Variants in TRIM37 observed in about 807,000 individuals in gnomAD.
TRIM37 encodes tripartite motif containing 37, also known as E3 ubiquitin-protein ligase TRIM37.
In TRIM37, 80 loss-of-function variants were observed where a neutral mutation model predicts 129.8. The ratio of observed to expected loss-of-function variants is 0.62; its 90% CI spans 0.51 to 0.74. TRIM37 has a LOEUF of 0.74. Ranked by LOEUF, TRIM37 falls within the 30% of genes least tolerant of loss-of-function variation. The pLI, the probability that TRIM37 is intolerant of heterozygous loss-of-function variation, is 0.00. For synonymous variants in TRIM37, 389 were observed against 387.1 expected, an observed-to-expected ratio of 1.00 and a Z score of -0.06; for missense variants, 1,054 against 1,176.5, an observed-to-expected ratio of 0.90 and a Z score of 1.52.
chr17:59,096,083 A>C (rs145496628), intron 2 of TRIM37, among the ~76,000 whole-genome samples: 2 of 152,166 alleles, frequency 1.3e-5, no homozygotes, highest in South Asian at 4.1e-4. Flanking sequence ...TTCTTATGGT[A>C]TGTCTACCAA....
downstream of TRIM37, among the ~76,000 whole-genome samples, chr17:58,993,987 G>A (rs1487991038): frequency 6.6e-6 from 1 of 152,194 alleles, no homozygotes; most frequent in African/African-American, 2.4e-5. Flanking sequence ...TACAAGCACT[G>A]TATTTTAGGT....
chr17:59,062,900 G>C (rs954402179), intron 10 of TRIM37, among the ~76,000 whole-genome samples: 12 of 152,084 alleles, frequency 7.9e-5, no homozygotes, highest in Non-Finnish European at 2.9e-5. Context: ...CCTCAAAATT[G>C]TGACATTTAA....
rs377214341 is a variant in TRIM37, at chr17:59,050,619, C to A, written c.1314+595G>T. ...ATCACCCGAGCTTGGGAAGTTGAAG[C>A]TGCAGTTAGTGGAAATTGTGCCTGG... On this transcript the variant is annotated intron_variant, in intron 14 of 23. Transcript: ENST00000262294. Among the ~76,000 whole-genome samples, 7 of 152,052 alleles carry A rather than the reference C, an allele frequency of 4.6e-5. No homozygotes were observed. In the East Asian group the frequency reaches 1.4e-3, roughly 29 times the overall value.
intron 19 of TRIM37, 94 bp downstream of exon 19, chr17:59,028,321 A>AGAGTGGTAT: frequency 4.2e-6 from 5 of 1,185,452 alleles, no homozygotes; most frequent in Non-Finnish European, 6.0e-6. Flanking sequence ...ACTCACTGGA[A>AGAGTGGTAT]GAGTGGTATT....
At chr17:59,043,050 A>C (rs1478960144) in intron 16 of TRIM37, among the ~76,000 whole-genome samples, 1 of 152,182 alleles carries the variant, frequency 6.6e-6, no homozygotes, top group Non-Finnish European at 1.5e-5. Context: ...AAAAAAGCCC[A>C]AATTACTGTA....
At chr17:58,996,844 T>C (rs2144318400), downstream of TRIM37, among the ~76,000 whole-genome samples, 1 of 151,500 alleles carries the variant, frequency 6.6e-6, no homozygotes, top group East Asian at 1.9e-4. Context: ...ATATGTATAT[T>C]TATATATCAA....
intron 24 of TRIM37, among the ~76,000 whole-genome samples, chr17:58,986,640 G>C (rs1430901977): frequency 6.6e-6 from 1 of 151,798 alleles, no homozygotes; most frequent in Non-Finnish European, 1.5e-5. Flanking sequence ...AGCCTCCCAG[G>C]ATGCTGGGAT....
chr17:59,038,966 A>G (rs1399717232), intron 17 of TRIM37, among the ~76,000 whole-genome samples: 1 of 152,134 alleles, frequency 6.6e-6, no homozygotes, highest in African/African-American at 2.4e-5. Flanking sequence ...ACTGGACAAG[A>G]GACTGATTTC....
intron 9 of TRIM37, among the ~76,000 whole-genome samples, chr17:59,069,059 G>C (rs1315492986): frequency 6.6e-6 from 1 of 152,046 alleles, no homozygotes; most frequent in Non-Finnish European, 1.5e-5. Flanking sequence ...CTAGTACAAT[G>C]AATGCGGCCA....
Position 59,068,269 on chromosome 17 carries a change from G to C in TRIM37, c.809+2554C>G, listed in dbSNP as rs377567192. 2.0e-4 allele frequency among the ~76,000 whole-genome samples: 30 copies of C among 152,200 alleles called. 1 individual carries two copies. In the East Asian group the frequency reaches 5.6e-3, roughly 28 times the overall value. On this transcript the variant is annotated intron_variant, in intron 9 of 23. Transcript: ENST00000262294. ...AGAATGGGAATTTACATACATCAATGGTTCCCAAACTTTAGTGCAGTATTA... is the reference window on the plus strand; with the variant it reads ...AGAATGGGAATTTACATACATCAATCGTTCCCAAACTTTAGTGCAGTATTA...
downstream of TRIM37, among the ~76,000 whole-genome samples, chr17:58,994,876 A>G (rs890716480): frequency 6.6e-6 from 1 of 151,550 alleles, no homozygotes; most frequent in Non-Finnish European, 1.5e-5. Flanking sequence ...CAGCCTCCTG[A>G]GTAGCTGGGA....
At chr17:58,972,621 G>A in the TRIM37 span, among the ~76,000 whole-genome samples, 2 of 152,158 alleles carry the variant, frequency 1.3e-5, no homozygotes, top group Non-Finnish European at 2.9e-5. Flanking sequence ...AAAGTACTGG[G>A]ATTATAGGCG....
chr17:59,014,317 T>C (rs1211499662), intron 21 of TRIM37, among the ~76,000 whole-genome samples: 1 of 152,184 alleles, frequency 6.6e-6, no homozygotes, highest in Non-Finnish European at 1.5e-5. Context: ...GTCTCCAAAA[T>C]AGAACTATTT....
intron 22 of TRIM37, among the ~76,000 whole-genome samples, chr17:59,004,918 CAAAACAAA>C (rs558223805): frequency 1.5e-3 from 221 of 151,806 alleles, no homozygotes; most frequent in Admixed American, 3.1e-3. Flanking sequence ...CCATCTTCAG[CAAAACAAA>C]AAAACAAAAA....
intron 3 of TRIM37, among the ~76,000 whole-genome samples, chr17:59,090,827 T>A (rs1233281150): frequency 6.6e-6 from 1 of 152,280 alleles, no homozygotes; most frequent in East Asian, 1.9e-4. Context: ...GGTTTCACTA[T>A]GTTGGCCAGG....
chr17:58,991,623 G>A (rs897016090), intron 24 of TRIM37, among the ~76,000 whole-genome samples: 4 of 152,110 alleles, frequency 2.6e-5, no homozygotes, highest in African/African-American at 9.7e-5. Flanking sequence ...GACCAGGATC[G>A]CTCTGAATAT....
chr17:58,983,106 A>G, intron 24 of TRIM37: 4 of 568,916 alleles, frequency 7.0e-6, no homozygotes, highest in Non-Finnish European at 9.2e-6. Flanking sequence ...AGTGGGGAAA[A>G]AAATGGCTGG....
At chr17:59,003,922 T>TAA (rs60843441) in intron 22 of TRIM37, among the ~76,000 whole-genome samples, 1,576 of 89,098 alleles carry the variant, frequency 0.018, 18 homozygotes, top group Middle Eastern at 0.043. Flanking sequence ...CCCATCTCTA[T>TAA]AAAAAAAAAA....
At chr17:58,985,751 T>C (rs781386662) in intron 24 of TRIM37, among the ~76,000 whole-genome samples, 48 of 152,324 alleles carry the variant, frequency 3.2e-4, no homozygotes, top group Non-Finnish European at 6.9e-4. Flanking sequence ...TTCTCCTGCC[T>C]ACCAGTAAAG....
Sources: gnomAD v4.1 joint callset for allele counts (sites outside exome capture counted in the v4.1 genomes callset) on GRCh38, gnomAD v4.1.1 for gene constraint, MANE v1.5 for transcripts, NCBI Gene and HGNC (gene_info 2026-07-23, HGNC 2026-07-21) for gene names.